The following ZNF391 variants were observed in gnomAD, a reference collection of about 807,000 sequenced individuals.
ZNF391 encodes the protein zinc finger protein 391.
For synonymous variants in ZNF391, 126 were observed against 142.1 expected, an observed-to-expected ratio of 0.89 and a Z score of 0.80; for missense variants, 375 against 425.5, an observed-to-expected ratio of 0.88 and a Z score of 1.04.
chr6:27,398,771 A>G (rs1379403618), intron 1 of ZNF391, among the ~76,000 whole-genome samples: 6 of 152,138 alleles, frequency 3.9e-5, no homozygotes, highest in African/African-American at 1.4e-4. Flanking sequence ...AGGCAGGAGA[A>G]TGGTGTGAAC....
intron 1 of ZNF391, among the ~76,000 whole-genome samples, chr6:27,380,457 C>T (rs1156389122): frequency 6.6e-6 from 1 of 152,166 alleles, no homozygotes; most frequent in East Asian, 1.9e-4. Context: ...AGCTGCAGAC[C>T]TTCGCGGTGA....
chr6:27,382,572 T>C (rs1318163595), intron 1 of ZNF391, among the ~76,000 whole-genome samples: 2 of 152,186 alleles, frequency 1.3e-5, no homozygotes, highest in Non-Finnish European at 2.9e-5. Flanking sequence ...AGAATTCTCA[T>C]ACCAGAAATT....
At chr6:27,398,190 T>G (rs996860901) in intron 1 of ZNF391, among the ~76,000 whole-genome samples, 1 of 152,180 alleles carries the variant, frequency 6.6e-6, no homozygotes, top group Non-Finnish European at 1.5e-5. Flanking sequence ...AACTCCCTAA[T>G]CTCATGGATA....
intron 1 of ZNF391, among the ~76,000 whole-genome samples, chr6:27,375,886 G>A (rs1761409094): frequency 6.6e-6 from 1 of 152,190 alleles, no homozygotes; most frequent in African/African-American, 2.4e-5. Flanking sequence ...CAGTGTGGGA[G>A]GGGGCCGAGC....
intron 1 of ZNF391, among the ~76,000 whole-genome samples, chr6:27,380,774 A>G (rs1267344585): frequency 6.7e-6 from 1 of 149,034 alleles, no homozygotes; most frequent in African/African-American, 2.5e-5. Context: ...CCACCAGATT[A>G]GCTAGATACA....
In ZNF391 at chr6:27,376,500, TTGGGACGTATG is replaced by T. The variant is rs371259207; in HGVS notation, n.523+1366_523+1376del. On this transcript the variant is annotated intron_variant and non_coding_transcript_variant, in intron 1 of 2. Coordinates refer to the ZNF391 transcript ENST00000477999. The surrounding 1 kb of genome is among the most constrained non-coding windows in gnomAD (Gnocchi z 4.7). ...CTACCTCACTGTGGTATTTTTTGGA[TTGGGACGTATG>T]TGTGTATGTGCTCTCTAACTCCTCT... Among the ~76,000 whole-genome samples, 359 of 152,304 alleles carry T rather than the reference TTGGGACGTATG, an allele frequency of 2.4e-3. 2 individuals carry two copies. The highest frequency in any genetic ancestry group is 7.9e-3 in the African/African-American group (327 of 41,564).
At chr6:27,389,373 G>A (rs1188330565) in intron 1 of ZNF391, 1 of 455,056 alleles carries the variant, frequency 2.2e-6, no homozygotes, top group East Asian at 7.0e-5. Flanking sequence ...GTACTGGGGT[G>A]TTTCCCAGGT....
At chr6:27,380,661 G>A (rs913001529) in intron 1 of ZNF391, among the ~76,000 whole-genome samples, 2 of 152,076 alleles carry the variant, frequency 1.3e-5, no homozygotes, top group African/African-American at 4.8e-5. Context: ...TTGACAGGGC[G>A]CTTTTTGGTG....
upstream of ZNF391, among the ~76,000 whole-genome samples, chr6:27,384,482 A>AAG (rs760600893): frequency 4.5e-4 from 11 of 24,698 alleles, no homozygotes; most frequent in African/African-American, 1.0e-3. Flanking sequence ...AAAAAAAAAA[A>AAG]AGAGAGAGAG....
intron 1 of ZNF391, among the ~76,000 whole-genome samples, chr6:27,397,678 G>A (rs1761858004): frequency 6.6e-6 from 1 of 152,140 alleles, no homozygotes; most frequent in Admixed American, 6.5e-5. Context: ...TGCCCAGGCT[G>A]GAGTGCAGCG....
rs540496019 is a variant in ZNF391, at chr6:27,391,537, T to G, written c.-188+2462T>G. ...TGTGGACATTACTAGACAGAGGTTC[T>G]GGATGCCTTGGACTATGACCTTTGC... On this transcript the variant is annotated intron_variant, in intron 1 of 2. Coordinates refer to ENST00000244576, the MANE Select transcript of ZNF391 (RefSeq NM_001076781.3). Among the ~76,000 whole-genome samples the G allele has an allele frequency of 3.1e-3, 240 of 77,642 alleles. 1 individual carries two copies. The highest frequency in any genetic ancestry group is 9.4e-3 in the African/African-American group (228 of 24,320). 50.9% of individuals were successfully genotyped at this position (77,642 alleles called of 152,430 possible).
At position 27,376,408 on chromosome 6, in the gene ZNF391, CA is replaced by C. The variant is rs1222665644; in HGVS notation, n.523+1273del. ...GGCCCAAGATGTTATTAAAGTTTCA[CA>C]AGTAGCAAATGGCAAAACTAGGATT... On this transcript the variant is annotated intron_variant and non_coding_transcript_variant, in intron 1 of 2. Coordinates refer to the ZNF391 transcript ENST00000477999. This position sits in a 1 kb window ranked among gnomAD's most constrained non-coding sequence, Gnocchi z 4.7. 1.3e-5 allele frequency among the ~76,000 whole-genome samples: 2 copies of C among 152,186 alleles called. No individual in the cohort carries two copies. The highest frequency in any genetic ancestry group is 4.8e-5 in the African/African-American group (2 of 41,442).
intron 1 of ZNF391, among the ~76,000 whole-genome samples, chr6:27,381,825 A>G (rs1469915916): frequency 6.6e-6 from 1 of 151,958 alleles, no homozygotes; most frequent in Admixed American, 6.6e-5. Flanking sequence ...CTGAGGTCAG[A>G]AGTTTGAGAC....
At chr6:27,390,041 G>A (rs1048126425) in intron 1 of ZNF391, among the ~76,000 whole-genome samples, 1 of 152,200 alleles carries the variant, frequency 6.6e-6, no homozygotes, top group Non-Finnish European at 1.5e-5. Context: ...TCTATTCTGT[G>A]ATTAAACTGA....
chr6:27,400,259 T>C (rs1162551383), intron 2 of ZNF391, 34 bp from the exon 3 acceptor site: 2 of 894,902 alleles, frequency 2.2e-6, no homozygotes, highest in Non-Finnish European at 3.4e-6. Context: ...CCATAGTAGA[T>C]ACAGATGACA....
At chr6:27,389,769 A>C (rs1761663059) in intron 1 of ZNF391, among the ~76,000 whole-genome samples, 1 of 152,134 alleles carries the variant, frequency 6.6e-6, no homozygotes, top group Admixed American at 6.5e-5. Flanking sequence ...ACGCCACTGC[A>C]CTCCAGCGTA....
rs145091966 is a variant in ZNF391, at chr6:27,375,218, A to T, written n.523+81A>T. On this transcript the variant is annotated intron_variant and non_coding_transcript_variant, in intron 1 of 2. Transcript: ENST00000477999. ...CCTGTCCGAAGAGAACTGCGCTTGCATGGCTCTGGCTGTGGGCCGGCTGGC... is the reference window on the plus strand; with the variant it reads ...CCTGTCCGAAGAGAACTGCGCTTGCTTGGCTCTGGCTGTGGGCCGGCTGGC... The T allele has an allele frequency of 3.6e-3, 547 of 152,518 alleles. 4 individuals are homozygous for T. Among genetic ancestry groups the T allele is most frequent in the African/African-American group, 0.012 (519 of 41,582 alleles). 9.4% of individuals were successfully genotyped at this position (152,518 alleles called of 1,614,324 possible).
intron 1 of ZNF391, among the ~76,000 whole-genome samples, chr6:27,378,966 T>G (rs1340924668): frequency 6.6e-6 from 1 of 152,078 alleles, no homozygotes; most frequent in African/African-American, 2.4e-5. Flanking sequence ...CTCTCTATAT[T>G]CATATGAATC....
intron 1 of ZNF391, among the ~76,000 whole-genome samples, chr6:27,392,706 G>T (rs1761740939): frequency 6.6e-6 from 1 of 152,216 alleles, no homozygotes; most frequent in Non-Finnish European, 1.5e-5. Context: ...GTGGAGTTTA[G>T]TTTCTTGGCC....
Sources: gnomAD v4.1 joint callset for allele counts (sites outside exome capture counted in the v4.1 genomes callset) on GRCh38, gnomAD v4.1.1 for gene constraint, Gnocchi (gnomAD v3.1) non-coding constraint, MANE v1.5 for transcripts, NCBI Gene and HGNC (gene_info 2026-07-23, HGNC 2026-07-21) for gene names.